Variants in TSGA10 observed in about 807,000 individuals in gnomAD.
TSGA10 encodes the protein testis-specific gene 10 protein.
In TSGA10, 43 loss-of-function variants were observed where a neutral mutation model predicts 96.6. The ratio of observed to expected loss-of-function variants is 0.44; its 90% CI spans 0.35 to 0.57. TSGA10 has a LOEUF of 0.57. TSGA10 is among the 20% of genes least tolerant of loss of function. The probability of loss-of-function intolerance (pLI) is 0.01; values close to 1 mark genes in which losing one functional copy is unlikely to be tolerated. For missense variants in TSGA10, 703 were observed against 834.4 expected, an observed-to-expected ratio of 0.84 and a Z score of 1.94; for synonymous variants, 229 against 269.9, an observed-to-expected ratio of 0.85 and a Z score of 1.48.
At chr2:99,028,307 C>A (rs932118018) in intron 17 of TSGA10, among the ~76,000 whole-genome samples, 1 of 152,168 alleles carries the variant, frequency 6.6e-6, no homozygotes, top group Non-Finnish European at 1.5e-5. Context: ...GGTACTACTT[C>A]CCAACCCAAG....
At chr2:99,070,490 G>T (rs1356932444) in intron 14 of TSGA10, among the ~76,000 whole-genome samples, 1 of 151,852 alleles carries the variant, frequency 6.6e-6, no homozygotes. Flanking sequence ...GCACTGTATA[G>T]CAATTAAAAA....
intron 16 of TSGA10, among the ~76,000 whole-genome samples, chr2:99,038,028 T>C (rs1478028505): frequency 6.6e-6 from 1 of 150,884 alleles, no homozygotes; most frequent in Non-Finnish European, 1.5e-5. Context: ...AAAACAATTA[T>C]CAGCCAAGAT....
At chr2:99,072,928 T>C (rs1258097466) in intron 13 of TSGA10, 90 bp downstream of exon 13, 5 of 886,976 alleles carry the variant, frequency 5.6e-6, no homozygotes, top group Non-Finnish European at 9.2e-6. Flanking sequence ...ACACGTATCA[T>C]TAAGCCCCTT....
Position 99,108,945 on chromosome 2 carries a change from C to A in TSGA10, c.98G>T (p.Arg33Leu). ...VELLKTTTRD[R>L]EELKCMLEKY... ...TTCCAGCATGCATTTAAGTTCTTCA[C>A]GATCTCTTGTTGTTGTCTTCAAAAG... The change falls in exon 7 of 21, where the codon CGT (arginine) becomes CTT (leucine). Residue 33 changes from arginine to leucine, a missense_variant. By Grantham distance (102) the Arg-to-Leu change is moderately radical (BLOSUM62 -2). Transcript: ENST00000393483. 6.2e-7 allele frequency: 1 copy of A among 1,604,904 alleles called. No homozygotes were observed. Among genetic ancestry groups the A allele is most frequent in the Non-Finnish European group, 8.5e-7 (1 of 1,177,204 alleles).
At chr2:99,045,367 C>T (rs1001253330) in intron 16 of TSGA10, among the ~76,000 whole-genome samples, 1 of 152,180 alleles carries the variant, frequency 6.6e-6, no homozygotes. Context: ...GGAAGCCCAT[C>T]AGACTAACAG....
Position 98,998,321 on chromosome 2 carries a change from A to T in TSGA10, c.2073-100T>A. 3 of 968,530 alleles carry T rather than the reference A, an allele frequency of 3.1e-6. No individual in the cohort carries two copies. In the East Asian group the frequency reaches 7.6e-5, roughly 24 times the overall value. 60.0% of individuals were successfully genotyped at this position (968,530 alleles called of 1,614,324 possible). ...TAAGTGTATCACTTCAGCAAAACGT[A>T]AGATTTTTCTTCATTTCTATGAAGG... On this transcript the variant is annotated intron_variant, in intron 20 of 20. Transcript: ENST00000393483.
chr2:99,148,255 GA>G (rs2093652272), intron 1 of TSGA10: 1 of 152,140 alleles, frequency 6.6e-6, no homozygotes, highest in African/African-American at 2.4e-5. Flanking sequence ...AAGAAAAAGA[GA>G]AACCAAATAG....
intron 1 of TSGA10, chr2:99,150,584 C>T (rs2093683174): frequency 1.2e-6 from 2 of 1,612,956 alleles, no homozygotes; most frequent in Non-Finnish European, 1.7e-6. Context: ...AGTAAATCTG[C>T]TACTCAGGTA....
intron 1 of TSGA10, chr2:99,147,068 C>A: frequency 5.9e-6 from 1 of 169,118 alleles, no homozygotes; most frequent in Non-Finnish European, 1.3e-5. Flanking sequence ...ATACCTAAGT[C>A]CAAGTTACAG....
intron 16 of TSGA10, among the ~76,000 whole-genome samples, chr2:99,055,889 G>T (rs1015646198): frequency 3.5e-5 from 5 of 141,366 alleles, no homozygotes; most frequent in Admixed American, 7.1e-5. Flanking sequence ...AGGAAGAAAA[G>T]AAATTACTGA....
intron 20 of TSGA10, among the ~76,000 whole-genome samples, chr2:99,005,154 G>C (rs975235005): frequency 6.6e-6 from 1 of 152,112 alleles, no homozygotes; most frequent in Admixed American, 6.5e-5. Context: ...AAAATAATAA[G>C]AGCTACTTAT....
intron 6 of TSGA10, 65 bp from the exon 7 acceptor site, chr2:99,109,056 A>C: frequency 8.4e-7 from 1 of 1,196,934 alleles, no homozygotes; most frequent in South Asian, 1.9e-5. Context: ...GGTGCTACTG[A>C]TGGTAGTGCC....
In TSGA10 at chr2:99,001,297, A is replaced by G. The variant is rs538631705; in HGVS notation, c.2073-3076T>C. On this transcript the variant is annotated intron_variant, in intron 20 of 20. Coordinates refer to ENST00000393483, the MANE Select transcript of TSGA10 (RefSeq NM_025244.4). ...TCCAGAGGAAGGATCAGGCAGCAAT[A>G]TTTGCTGTTCTGCAGCCTCCGCTGG... Among the ~76,000 whole-genome samples, 4 of 152,254 alleles carry G rather than the reference A, an allele frequency of 2.6e-5. No homozygotes were observed. In the South Asian group the frequency reaches 8.3e-4, roughly 32 times the overall value.
At chr2:99,042,040 A>AC (rs2082241443) in intron 16 of TSGA10, among the ~76,000 whole-genome samples, 38 of 57,890 alleles carry the variant, frequency 6.6e-4, no homozygotes, top group African/African-American at 3.9e-3. Context: ...GCCCCCCCAC[A>AC]TTTTTTTTTT....
intron 10 of TSGA10, among the ~76,000 whole-genome samples, chr2:99,081,670 T>G (rs1451816143): frequency 2.6e-5 from 4 of 152,130 alleles, no homozygotes; most frequent in Non-Finnish European, 5.9e-5. Flanking sequence ...GCAATCAGAT[T>G]AGGAACTACT....
intron 16 of TSGA10, among the ~76,000 whole-genome samples, chr2:99,063,851 T>A (rs72813057): frequency 0.011 from 1,684 of 151,610 alleles, 11 homozygotes; most frequent in Non-Finnish European, 0.018. Flanking sequence ...AATAGAAAAA[T>A]GGCCAAAGTT....
chr2:99,051,357 A>G (rs2083374235), intron 16 of TSGA10, among the ~76,000 whole-genome samples: 1 of 152,198 alleles, frequency 6.6e-6, no homozygotes, highest in Non-Finnish European at 1.5e-5. Context: ...ATCAGAGAAA[A>G]CAGACTTTTT....
intron 10 of TSGA10, among the ~76,000 whole-genome samples, chr2:99,085,479 C>T (rs2088163917): frequency 6.6e-6 from 1 of 151,014 alleles, no homozygotes; most frequent in Non-Finnish European, 1.5e-5. Flanking sequence ...CACAGCGGCA[C>T]ATGTCTGTGG....
At chr2:99,034,351 G>A (rs1258845830) in intron 17 of TSGA10, among the ~76,000 whole-genome samples, 1 of 151,512 alleles carries the variant, frequency 6.6e-6, no homozygotes, top group African/African-American at 2.4e-5. Context: ...GCAGTGAGCC[G>A]AGATCATGCC....
Sources: gnomAD v4.1 joint callset for allele counts (sites outside exome capture counted in the v4.1 genomes callset) on GRCh38, gnomAD v4.1.1 for gene constraint, MANE v1.5 for transcripts, NCBI Gene and HGNC (gene_info 2026-07-23, HGNC 2026-07-21) for gene names.